The following REV3L variants were observed in gnomAD, a reference collection of about 807,000 sequenced individuals.
REV3L encodes REV3 like, DNA directed polymerase zeta catalytic subunit.
Under a neutral mutation model 299.4 loss-of-function variants are expected in REV3L, and 69 were observed. The observed-to-expected ratio is 0.23, with a 90% CI of 0.19 to 0.28. REV3L has a LOEUF of 0.28. Ranked by LOEUF, REV3L falls within the 10% of genes least tolerant of loss-of-function variation. The probability of loss-of-function intolerance (pLI) is 1.00; values close to 1 mark genes in which losing one functional copy is unlikely to be tolerated. For synonymous variants in REV3L, 1,238 were observed against 1,271.4 expected (o/e 0.97, Z 0.56); for missense variants, 3,128 against 3,693.8 (o/e 0.85, Z 3.97).
At chr6:111,442,555 T>A (rs535867408) in intron 1 of REV3L, among the ~76,000 whole-genome samples, 1 of 152,338 alleles carries the variant, frequency 6.6e-6, no homozygotes, top group East Asian at 1.9e-4. Flanking sequence ...GAGCTGCATA[T>A]GGTAGTGCTT....
In REV3L at chr6:111,320,942, C is replaced by T. The variant is rs146785112; in HGVS notation, c.8351+1627G>A. On this transcript the variant is annotated intron_variant, in intron 26 of 31. Transcript: ENST00000368802. ...CTAGGATTTCAAGTATGAGGCAGCA[C>T]GCCTGGCCAATGTTTGTTGAATGTA... Among the ~76,000 whole-genome samples, 213 of 152,304 alleles carry T rather than the reference C, an allele frequency of 1.4e-3. 1 individual carries two copies. The highest frequency in any genetic ancestry group is 5.0e-3 in the African/African-American group (206 of 41,554).
intron 1 of REV3L, chr6:111,430,833 A>G (rs963754988): frequency 6.2e-7 from 1 of 1,608,556 alleles, no homozygotes; most frequent in Non-Finnish European, 8.5e-7. Flanking sequence ...GTGAACAGTC[A>G]GTGCAAATTG....
At chr6:111,346,614 G>T (rs1777056003) in intron 20 of REV3L, among the ~76,000 whole-genome samples, 1 of 152,138 alleles carries the variant, frequency 6.6e-6, no homozygotes, top group African/African-American at 2.4e-5. Context: ...CTCCTGAGTA[G>T]CTGGGACTAT....
At chr6:111,364,000 C>A (rs1562186360) in intron 15 of REV3L, 22 bp from the exon 16 acceptor site, 1 of 1,590,518 alleles carries the variant, frequency 6.3e-7, no homozygotes, top group Non-Finnish European at 8.5e-7. Context: ...AACACACACA[C>A]ACACAGCCAG....
Position 111,363,883 on chromosome 6 carries a change from TTGTA to T in REV3L, c.6845_6848del (p.Ile2282LysfsTer17). The T allele has an allele frequency of 6.2e-7, 1 of 1,613,606 alleles. No homozygotes were observed. The stretch of plus-strand genomic sequence containing the variant: ...GTAAAGCTTTTGCCTCCTGTAAGTT[TTGTA>T]TGCTGACTTTGAAACCGTAAGTATT... On this transcript the variant is annotated frameshift_variant, in exon 16 of 32. Coordinates refer to ENST00000368802, the MANE Select transcript of REV3L (RefSeq NM_001372078.1). LOFTEE classifies it high-confidence loss of function.
At chr6:111,387,717 T>C in intron 9 of REV3L, 48 bp downstream of exon 9, 3 of 1,534,302 alleles carry the variant, frequency 2.0e-6, no homozygotes, top group South Asian at 2.3e-5. Context: ...ATCTCAGTGC[T>C]AGATATCTGT....
chr6:111,431,504 C>A lies in REV3L; in HGVS notation c.140-15032G>T, dbSNP rs1344824303. On this transcript the variant is annotated intron_variant, in intron 1 of 31. Coordinates refer to ENST00000368802, the MANE Select transcript of REV3L (RefSeq NM_001372078.1). ...TGCTCAGGGAGCTAGCTCCAGGAAG[C>A]CCAGAATGAATGTTTCAACACCAGA... 2.1e-5 allele frequency: 20 copies of A among 950,470 alleles called. No homozygotes were observed. In the Admixed American group the frequency reaches 3.3e-4, roughly 16 times the overall value. 58.9% of individuals were successfully genotyped at this position (950,470 alleles called of 1,614,324 possible). A position where few individuals can be genotyped will look rare whatever the true frequency, so the allele number is the denominator to read the frequency against.
chr6:111,348,327 A>G (rs1438757302), intron 20 of REV3L, among the ~76,000 whole-genome samples: 1 of 152,168 alleles, frequency 6.6e-6, no homozygotes, highest in Non-Finnish European at 1.5e-5. Flanking sequence ...CTATGATCTT[A>G]CTTTTTGTGT....
rs556197141 is a variant in REV3L, at chr6:111,423,665, A to G, written c.140-7193T>C. On this transcript the variant is annotated intron_variant, in intron 1 of 31. Coordinates refer to ENST00000368802, the MANE Select transcript of REV3L (RefSeq NM_001372078.1). ...ACATTGTGGGGACACTAGCAACAGA[A>G]CTACAGAAAGGAAAATCTGTTTAGG... is the stretch of plus-strand genomic sequence containing the variant. Among the ~76,000 whole-genome samples the G allele has an allele frequency of 5.9e-5, 9 of 152,298 alleles. No homozygotes were observed. In the South Asian group the frequency reaches 1.9e-3, roughly 32 times the overall value.
intron 9 of REV3L, among the ~76,000 whole-genome samples, chr6:111,382,930 T>C (rs1395812625): frequency 2.6e-5 from 4 of 151,938 alleles, no homozygotes; most frequent in Non-Finnish European, 4.4e-5. Flanking sequence ...GTAGAGGAGG[T>C]AGAGTCGTGA....
At chr6:111,460,931 G>A (rs1039876621) in intron 1 of REV3L, among the ~76,000 whole-genome samples, 3 of 152,076 alleles carry the variant, frequency 2.0e-5, no homozygotes, top group African/African-American at 7.2e-5. Flanking sequence ...AGTTACTCAC[G>A]TGTTTGTGGT....
At chr6:111,419,626 G>A (rs1312530837) in intron 1 of REV3L, among the ~76,000 whole-genome samples, 1 of 152,058 alleles carries the variant, frequency 6.6e-6, no homozygotes, top group Admixed American at 6.6e-5. Context: ...TAAAATTAGT[G>A]GCTTCTCTCC....
chr6:111,318,579 TTTGTTTTTTGA>T (rs1183867419), intron 26 of REV3L, among the ~76,000 whole-genome samples: 1 of 152,126 alleles, frequency 6.6e-6, no homozygotes, highest in African/African-American at 2.4e-5. Flanking sequence ...ATTTTTTTTG[TTTGTTTTTTGA>T]GATGGAGTTT....
At chr6:111,470,308 G>C (rs928508272) in intron 1 of REV3L, among the ~76,000 whole-genome samples, 1 of 152,072 alleles carries the variant, frequency 6.6e-6, no homozygotes, top group Non-Finnish European at 1.5e-5. Context: ...CTCAAATTCT[G>C]CTTCACTGTT....
chr6:111,419,811 T>C lies in REV3L; in HGVS notation c.140-3339A>G, dbSNP rs185622640. On this transcript the variant is annotated intron_variant, in intron 1 of 31. Coordinates refer to ENST00000368802, the MANE Select transcript of REV3L (RefSeq NM_001372078.1). Reference sequence around the variant, plus strand: ...GTTTTTATAAAATTAGTGAAAGTTATGGTATTTTGAAACCTTCTACTAAAT... The same window carrying C: ...GTTTTTATAAAATTAGTGAAAGTTACGGTATTTTGAAACCTTCTACTAAAT... 5.6e-3 allele frequency among the ~76,000 whole-genome samples: 854 copies of C among 152,310 alleles called. 6 individuals carry two copies. Among genetic ancestry groups the C allele is most frequent in the Non-Finnish European group, 1.0e-2 (678 of 68,016 alleles).
chr6:111,467,896 C>G (rs139627257), intron 1 of REV3L, among the ~76,000 whole-genome samples: 2 of 152,132 alleles, frequency 1.3e-5, no homozygotes, highest in African/African-American at 4.8e-5. Flanking sequence ...ATGATCTATG[C>G]ATGTTTTATA....
chr6:111,323,184 T>TCC, intron 25 of REV3L, among the ~76,000 whole-genome samples: 1 of 152,166 alleles, frequency 6.6e-6, no homozygotes, highest in African/African-American at 2.4e-5. Flanking sequence ...GAGATGGGGT[T>TCC]TCACCATATT....
At chr6:111,342,667 CA>C (rs35815203) in intron 21 of REV3L, among the ~76,000 whole-genome samples, 110 of 122,818 alleles carry the variant, frequency 9.0e-4, no homozygotes, top group African/African-American at 9.6e-4. Context: ...GACTCTGTCT[CA>C]AAAAAAAAAA....
chr6:111,374,236 C>A lies in REV3L; in HGVS notation c.4119G>T (p.Gln1373His), dbSNP rs747516878. 7 of 1,612,950 alleles carry A rather than the reference C, an allele frequency of 4.3e-6. No individual in the cohort carries two copies. The highest frequency in any genetic ancestry group is 3.3e-5 in the Admixed American group (2 of 59,996). Residue 1373 changes from glutamine to histidine, a missense_variant, in exon 13 of 32, where the codon CAG (glutamine) becomes CAT (histidine). Around this residue, in one of 9 missense-constraint regions of REV3L, gnomAD observed 2,409 missense variants for 2,611.8 expected, o/e 0.92. Coordinates refer to ENST00000368802, the MANE Select transcript of REV3L (RefSeq NM_001372078.1). ...NHLSQVAQNT[Q>H]ISSGMSSKIE... ...TCTTTGAGGACATACCAGAAGATAT[C>A]TGTGTATTCTGTGCTACCTGAGATA...
Sources: gnomAD v4.1 joint callset for allele counts (sites outside exome capture counted in the v4.1 genomes callset) on GRCh38, gnomAD v4.1.1 for gene constraint, gnomAD v4.1.1 regional missense constraint, MANE v1.5 for transcripts, NCBI Gene and HGNC (gene_info 2026-07-23, HGNC 2026-07-21) for gene names.